Variants in RASIP1 observed in about 807,000 individuals in gnomAD.
The protein encoded by RASIP1 is ras-interacting protein 1.
A neutral mutation model predicts 85.3 loss-of-function variants in RASIP1; 20 were observed. That is an observed-to-expected ratio of 0.23 (90% confidence interval 0.17 to 0.34). The LOEUF is 0.34. Among genes scored for constraint, RASIP1 ranks in the 10% least tolerant of loss-of-function variants. The pLI, the probability that RASIP1 is intolerant of heterozygous loss-of-function variation, is 1.00. For synonymous variants in RASIP1, 617 were observed against 647.1 expected (o/e 0.95, Z 0.71); for missense variants, 1,170 against 1,390.9 (o/e 0.84, Z 2.53).
In RASIP1 at chr19:48,739,605, G is replaced by A; in HGVS notation, c.178C>T (p.Leu60=). Residue 60 remains leucine (L), a synonymous_variant, in exon 3 of 12, where the codon CTA becomes TTA. Transcript: ENST00000222145. The surrounding 1 kb of genome is among the most constrained non-coding windows in gnomAD (Gnocchi z 9.2). Reference sequence around the variant, plus strand: ...TCCACGTGCGGCGGGGGCGGAGGTAGCGGCTCGCTGCTGCGGCTCCCCGTG... The same window carrying A: ...TCCACGTGCGGCGGGGGCGGAGGTAACGGCTCGCTGCTGCGGCTCCCCGTG... ...SDTGSRSSEP[L]PPPPPHVELR... is the part of the protein sequence containing the mutation. The A allele has an allele frequency of 6.8e-7, 1 of 1,467,358 alleles. No individual in the cohort carries two copies. The highest frequency in any genetic ancestry group is 2.7e-5 in the East Asian group (1 of 37,240). 90.9% of individuals were successfully genotyped at this position (1,467,358 alleles called of 1,614,324 possible).
intron 4 of RASIP1, among the ~76,000 whole-genome samples, chr19:48,732,420 T>C (rs1441648130): frequency 6.6e-6 from 1 of 151,950 alleles, no homozygotes. Flanking sequence ...CACGCCCAGC[T>C]AATTTTTATA....
Position 48,739,031 on chromosome 19 carries a change from C to T in RASIP1, c.752G>A (p.Arg251His). Reference sequence around the variant, plus strand: ...CTCCTCGCGGCCGCGCAACTCGAAGCGCCGCGCCCAGCCGGGCCGCGCCCG... The same window carrying T: ...CTCCTCGCGGCCGCGCAACTCGAAGTGCCGCGCCCAGCCGGGCCGCGCCCG... ...LWRARPGWARRFELRGREEAR... is the reference protein window; with the variant it reads ...LWRARPGWARHFELRGREEAR... Residue 251 changes from arginine to histidine, a missense_variant, in exon 3 of 12, where the codon CGC (arginine) becomes CAC (histidine). Physicochemically the swap from Arg to His is conservative, Grantham distance 29. Around this residue, in one of 4 missense-constraint regions of RASIP1, gnomAD observed 299 missense variants for 394.4 expected, o/e 0.76. Transcript: ENST00000222145. This position sits in a 1 kb window ranked among gnomAD's most constrained non-coding sequence, Gnocchi z 9.2. 1 of 1,246,940 alleles carries T rather than the reference C, an allele frequency of 8.0e-7. No homozygotes were observed. Among genetic ancestry groups the T allele is most frequent in the Non-Finnish European group, 1.0e-6 (1 of 999,238 alleles). The allele number at this position is 1,246,940 out of a possible 1,614,324, so 77.2% of individuals were successfully genotyped here.
At chr19:48,730,325 C>T (rs2033432489) in intron 4 of RASIP1, among the ~76,000 whole-genome samples, 1 of 151,950 alleles carries the variant, frequency 6.6e-6, no homozygotes, top group Non-Finnish European at 1.5e-5. Context: ...ACCATCACGC[C>T]CAGCTAATTT....
chr19:48,726,903 G>T lies in RASIP1; in HGVS notation c.2024-15C>A. The T allele has an allele frequency of 6.2e-7, 1 of 1,611,218 alleles. No individual in the cohort carries two copies. The highest frequency in any genetic ancestry group is 8.5e-7 in the Non-Finnish European group (1 of 1,178,170). On this transcript the variant is annotated splice_polypyrimidine_tract_variant and intron_variant, in intron 7 of 11. Coordinates refer to ENST00000222145, the MANE Select transcript of RASIP1 (RefSeq NM_017805.3). ...GAGCTGTGGGTCTGAGGACAGGCTT[G>T]GGGTTAAGAGGGAGAACCAGAAGTC...
rs1014495851 is a variant in RASIP1, at chr19:48,740,495, T to C, written c.-5+26A>G. 7.1e-7 allele frequency: 1 copy of C among 1,401,312 alleles called. No individual in the cohort carries two copies. The highest frequency in any genetic ancestry group is 9.2e-7 in the Non-Finnish European group (1 of 1,086,246). 86.8% of individuals were successfully genotyped at this position (1,401,312 alleles called of 1,614,324 possible). On this transcript the variant is annotated intron_variant, in intron 1 of 11. Transcript: ENST00000222145. This position sits in a 1 kb window ranked among gnomAD's most constrained non-coding sequence, Gnocchi z 5.5. The stretch of plus-strand genomic sequence containing the variant: ...TCTTGGGGCCCAGGGAGGAGGGGTT[T>C]GGGCTGCTGGGTCCCTGGCTCTTAC...
intron 3 of RASIP1, chr19:48,737,886 T>G: frequency 1.0e-6 from 1 of 984,582 alleles, no homozygotes; most frequent in Non-Finnish European, 1.2e-6. Context: ...GTGCTTACTC[T>G]TCCGGCTCCT....
intron 10 of RASIP1, among the ~76,000 whole-genome samples, chr19:48,723,362 C>T (rs2033283824): frequency 6.6e-6 from 1 of 152,080 alleles, no homozygotes; most frequent in South Asian, 2.1e-4. Flanking sequence ...GAGTTCAAGA[C>T]CAGTCTGCCC....
At position 48,738,193 on chromosome 19, in the gene RASIP1, C is replaced by T. The variant is rs2033606677; in HGVS notation, c.823+767G>A. On this transcript the variant is annotated intron_variant, in intron 3 of 11. Transcript: ENST00000222145. This position sits in a 1 kb window ranked among gnomAD's most constrained non-coding sequence, Gnocchi z 4.0. ...CTCCCAACCTCAGGTGATCCGCCCG[C>T]CTCAGCCTCTCAAAGTGCTGGGATT... is the stretch of plus-strand genomic sequence containing the variant. Among the ~76,000 whole-genome samples the T allele has an allele frequency of 6.6e-6, 1 of 152,212 alleles. No individual in the cohort carries two copies. The highest frequency in any genetic ancestry group is 1.5e-5 in the Non-Finnish European group (1 of 68,038).
rs944326690 is a variant in RASIP1, at chr19:48,738,327, T to C, written c.823+633A>G. On this transcript the variant is annotated intron_variant, in intron 3 of 11. Transcript: ENST00000222145. This position sits in a 1 kb window ranked among gnomAD's most constrained non-coding sequence, Gnocchi z 4.0. ...CACTATTGATTTCTCTTTCTCCTAA[T>C]TGGCCCCAAGAGACCACATCAAAGG... Among the ~76,000 whole-genome samples, 48 of 152,206 alleles carry C rather than the reference T, an allele frequency of 3.2e-4. No homozygotes were observed. Among genetic ancestry groups the C allele is most frequent in the African/African-American group, 9.9e-4 (41 of 41,438 alleles).
At position 48,738,925 on chromosome 19, in the gene RASIP1, C is replaced by T; in HGVS notation, c.823+35G>A. Reference sequence around the variant, plus strand: ...CCCACGGACCCCGCCTCTCTGGCACCGAGTCCCCGCCCCAGAGCCCCGCCC... The same window carrying T: ...CCCACGGACCCCGCCTCTCTGGCACTGAGTCCCCGCCCCAGAGCCCCGCCC... On this transcript the variant is annotated intron_variant, in intron 3 of 11. Transcript: ENST00000222145. The surrounding 1 kb of genome is among the most constrained non-coding windows in gnomAD (Gnocchi z 4.0). 8.3e-7 allele frequency: 1 copy of T among 1,203,162 alleles called. No homozygotes were observed. Among genetic ancestry groups the T allele is most frequent in the Non-Finnish European group, 1.0e-6 (1 of 969,602 alleles). 74.5% of individuals were successfully genotyped at this position (1,203,162 alleles called of 1,614,324 possible). A position where few individuals can be genotyped will look rare whatever the true frequency, so the allele number is the denominator to read the frequency against.
chr19:48,739,285 G>C lies in RASIP1; in HGVS notation c.498C>G (p.Ala166=). ...ASGANYKSVL[A]TARSTARELV... is the part of the protein sequence containing the mutation. Reference sequence around the variant, plus strand: ...GCTCGCGCGCCGTGGAGCGCGCCGTGGCCAGCACGCTCTTGTAGTTGGCGC... The same window carrying C: ...GCTCGCGCGCCGTGGAGCGCGCCGTCGCCAGCACGCTCTTGTAGTTGGCGC... Residue 166 remains alanine, a synonymous_variant, in exon 3 of 12, where the codon GCC becomes GCG. Transcript: ENST00000222145. This position sits in a 1 kb window ranked among gnomAD's most constrained non-coding sequence, Gnocchi z 9.2. 1 of 1,462,808 alleles carries C rather than the reference G, an allele frequency of 6.8e-7. No homozygotes were observed. The highest frequency in any genetic ancestry group is 9.0e-7 in the Non-Finnish European group (1 of 1,116,348). 90.6% of individuals were successfully genotyped at this position (1,462,808 alleles called of 1,614,324 possible). A position where few individuals can be genotyped will look rare whatever the true frequency, so the allele number is the denominator to read the frequency against.
chr19:48,727,555 G>A (rs1435118352), intron 5 of RASIP1, 125 bp from the exon 6 acceptor site: 1 of 1,010,770 alleles, frequency 9.9e-7, no homozygotes, highest in Non-Finnish European at 1.5e-6. Context: ...TAGAGATGGG[G>A]TCTTACTATG....
At position 48,737,394 on chromosome 19, in the gene RASIP1, G is replaced by C. The variant is rs1234697436; in HGVS notation, c.823+1566C>G. The C allele has an allele frequency of 1.3e-5, 12 of 919,998 alleles. No individual in the cohort carries two copies. The African/African-American group carries it at 2.2e-4, about 17-fold the overall frequency. The allele number at this position is 919,998 out of a possible 1,614,324, so 57.0% of individuals were successfully genotyped here. ...CTGAGCAGACCCGTGCTTTCAATGC[G>C]CCAGGCCCCACCCCTGCCAGGCGCG... On this transcript the variant is annotated intron_variant, in intron 3 of 11. Coordinates refer to ENST00000222145, the MANE Select transcript of RASIP1 (RefSeq NM_017805.3).
Position 48,724,934 on chromosome 19 carries a change from G to C in RASIP1, c.2154C>G (p.Leu718=), listed in dbSNP as rs894449382. 6.2e-7 allele frequency: 1 copy of C among 1,613,684 alleles called. No individual in the cohort carries two copies. Among genetic ancestry groups the C allele is most frequent in the Admixed American group, 1.7e-5 (1 of 60,018 alleles). The part of the protein sequence containing the change: ...TKTLYSTLPA[L]LDSNPFTAGA... The stretch of plus-strand genomic sequence containing the variant: ...CAGCTGTGAAAGGGTTACTATCCAG[G>C]AGAGCAGGCAGCGTTGAATAGAGAG... Residue 718 remains leucine (L), a synonymous_variant, in exon 9 of 12, where the codon CTC becomes CTG. Transcript: ENST00000222145. The surrounding 1 kb of genome is among the most constrained non-coding windows in gnomAD (Gnocchi z 4.6).
At chr19:48,737,892 C>A in intron 3 of RASIP1, 1 of 985,264 alleles carries the variant, frequency 1.0e-6, no homozygotes, top group South Asian at 4.7e-5. Context: ...ACTCTTCCGG[C>A]TCCTAGGTCT....
rs11878908 is a variant in RASIP1 at position 48,724,186 on chromosome 19, C to T, written c.2544+151G>A. 0.43 allele frequency: 314,171 copies of T among 726,906 alleles called. 76,626 individuals carry two copies. Among genetic ancestry groups the T allele is most frequent in the Non-Finnish European group, 0.52 (233,266 of 452,694 alleles). 45.0% of individuals were successfully genotyped at this position (726,906 alleles called of 1,614,324 possible). ...CATTGTTGGTGCTGGCTTCCTTCTA[C>T]CTGCCAATGTGTTACCCACAGTGTC... On this transcript the variant is annotated intron_variant, in intron 10 of 11. Coordinates refer to ENST00000222145, the MANE Select transcript of RASIP1 (RefSeq NM_017805.3). This position sits in a 1 kb window ranked among gnomAD's most constrained non-coding sequence, Gnocchi z 4.6.
intron 5 of RASIP1, 101 bp downstream of exon 5, chr19:48,728,836 G>A: frequency 8.1e-7 from 1 of 1,236,212 alleles, no homozygotes; most frequent in South Asian, 1.8e-5. Context: ...GGGAACAGTA[G>A]TATCCAGCCC....
intron 3 of RASIP1, among the ~76,000 whole-genome samples, chr19:48,736,696 A>T (rs1384852180): frequency 6.6e-6 from 1 of 152,126 alleles, no homozygotes; most frequent in African/African-American, 2.4e-5. Flanking sequence ...GAGGGTGGAA[A>T]CCTCATCTGT....
chr19:48,728,497 G>C (rs1005698127), intron 5 of RASIP1, among the ~76,000 whole-genome samples: 2 of 152,128 alleles, frequency 1.3e-5, no homozygotes, highest in Admixed American at 1.3e-4. Flanking sequence ...CGGGTGTGGT[G>C]GCTCACACCT....
Sources: gnomAD v4.1 joint callset for allele counts (sites outside exome capture counted in the v4.1 genomes callset) on GRCh38, gnomAD v4.1.1 for gene constraint, gnomAD v4.1.1 regional missense constraint, Gnocchi (gnomAD v3.1) non-coding constraint, MANE v1.5 for transcripts, NCBI Gene and HGNC (gene_info 2026-07-23, HGNC 2026-07-21) for gene names.